The following HSDL1 variants were observed in gnomAD, a reference collection of about 807,000 sequenced individuals.
HSDL1 encodes the protein hydroxysteroid dehydrogenase like 1, also known as inactive hydroxysteroid dehydrogenase-like protein 1.
In HSDL1, 29 loss-of-function variants were observed where a neutral mutation model predicts 31.5. The ratio of observed to expected loss-of-function variants is 0.92; its 90% confidence interval spans 0.69 to 1.26. HSDL1 has a LOEUF of 1.26. Among genes scored for constraint, HSDL1 ranks in the 50% most tolerant of loss-of-function variants. The pLI is 0.00. For missense variants in HSDL1, 503 were observed against 416.6 expected (o/e 1.21, Z -1.81); for synonymous variants, 222 against 155.2 (o/e 1.43, Z -3.20).
At chr16:84,142,641 T>A (rs1214486700) in intron 1 of HSDL1, among the ~76,000 whole-genome samples, 1 of 151,934 alleles carries the variant, frequency 6.6e-6, no homozygotes, top group East Asian at 1.9e-4. Context: ...GACGGGGGTT[T>A]CACCATATTG....
chr16:84,142,430 CTTTTTTTTTTTTTT>C (rs34954052), intron 1 of HSDL1, among the ~76,000 whole-genome samples: 1 of 81,410 alleles, frequency 1.2e-5, no homozygotes, highest in Non-Finnish European at 2.1e-5. Context: ...TCTCACACAT[CTTTTTTTTTTTTTT>C]TTTTTTTTTG....
Position 84,129,976 on chromosome 16 carries a change from A to C in HSDL1, c.666+10T>G, listed in dbSNP as rs749990920. 2 of 1,607,440 alleles carry C rather than the reference A, an allele frequency of 1.2e-6. No homozygotes were observed. The highest frequency in any genetic ancestry group is 1.7e-6 in the Non-Finnish European group (2 of 1,175,858). On this transcript the variant is annotated intron_variant, in intron 4 of 5. Coordinates refer to ENST00000219439, the MANE Select transcript of HSDL1 (RefSeq NM_031463.5). The stretch of plus-strand genomic sequence containing the variant: ...ATTAGGATTTCATCTTCCAGTAAGT[A>C]ACATCTGACCTTAGAAGCAGAAAAT...
chr16:84,127,072 C>T (rs765126126), intron 5 of HSDL1, among the ~76,000 whole-genome samples: 9 of 152,086 alleles, frequency 5.9e-5, no homozygotes, highest in Non-Finnish European at 1.2e-4. Flanking sequence ...ATCTACTGCA[C>T]CTAAACCTGA....
chr16:84,138,136 A>G (rs915610434), intron 1 of HSDL1, among the ~76,000 whole-genome samples: 6 of 152,236 alleles, frequency 3.9e-5, no homozygotes, highest in African/African-American at 1.4e-4. Context: ...CACCCAGTTC[A>G]TGGTATTTTG....
chr16:84,125,963 C>A (rs2086602533), intron 5 of HSDL1, among the ~76,000 whole-genome samples: 1 of 152,024 alleles, frequency 6.6e-6, no homozygotes, highest in Non-Finnish European at 1.5e-5. Flanking sequence ...ATTAGCCAGG[C>A]GTGGTGGCGG....
chr16:84,126,164 C>G (rs1286245427), intron 5 of HSDL1, among the ~76,000 whole-genome samples: 2 of 151,034 alleles, frequency 1.3e-5, no homozygotes, highest in Non-Finnish European at 2.9e-5. Flanking sequence ...AACAGACAGA[C>G]GCATACGTGG....
At chr16:84,137,568 C>T (rs1382182458) in intron 1 of HSDL1, among the ~76,000 whole-genome samples, 2 of 152,194 alleles carry the variant, frequency 1.3e-5, no homozygotes, top group African/African-American at 4.8e-5. Flanking sequence ...GAGGGCCACA[C>T]GGAGAGCCAA....
rs1471922143 is a variant in HSDL1, at chr16:84,123,309, C to G, written c.*1321G>C. The G allele has an allele frequency of 6.6e-6, 1 of 152,188 alleles. No homozygotes were observed. The highest frequency in any genetic ancestry group is 2.4e-5 in the African/African-American group (1 of 41,434). 9.4% of individuals were successfully genotyped at this position (152,188 alleles called of 1,614,324 possible). ...ATGCCACAGAAGTCCAGACTTTTAACCAATCTACTAGCTTCTGCATCAGTA... is the reference window on the plus strand; with the variant it reads ...ATGCCACAGAAGTCCAGACTTTTAAGCAATCTACTAGCTTCTGCATCAGTA... On this transcript the variant is annotated 3_prime_UTR_variant, in exon 6 of 6. Coordinates refer to ENST00000219439, the MANE Select transcript of HSDL1 (RefSeq NM_031463.5).
intron 5 of HSDL1, chr16:84,125,054 C>A (rs1445112674): frequency 9.9e-6 from 2 of 201,886 alleles, no homozygotes; most frequent in South Asian, 7.9e-5. Context: ...ACAACAAATA[C>A]CCACCAAGCA....
chr16:84,140,681 T>A (rs1166053522), intron 1 of HSDL1, among the ~76,000 whole-genome samples: 1 of 152,242 alleles, frequency 6.6e-6, no homozygotes. Context: ...GGAAGTCCTG[T>A]ATGCTGTTCC....
intron 1 of HSDL1, among the ~76,000 whole-genome samples, chr16:84,137,569 G>A (rs1034475086): frequency 1.1e-4 from 17 of 152,306 alleles, no homozygotes; most frequent in East Asian, 1.9e-4. Context: ...AGGGCCACAC[G>A]GAGAGCCAAG....
chr16:84,126,297 G>C (rs2086606231), intron 5 of HSDL1, among the ~76,000 whole-genome samples: 1 of 152,066 alleles, frequency 6.6e-6, no homozygotes, highest in South Asian at 2.1e-4. Flanking sequence ...GTGCTCAGGG[G>C]ACCAGGGAAG....
rs940221773 is a variant in HSDL1 at position 84,124,574 on chromosome 16, G to T, written c.*56C>A. 9.8e-7 allele frequency: 1 copy of T among 1,019,116 alleles called. No individual in the cohort carries two copies. The highest frequency in any genetic ancestry group is 1.6e-6 in the Non-Finnish European group (1 of 640,810). The allele number at this position is 1,019,116 out of a possible 1,614,324, so 63.1% of individuals were successfully genotyped here. ...ATAAATTAAATGTGTTTTTCCAAAT[G>T]TCAGAATATCGAGGTTCCCAGGAGT... On this transcript the variant is annotated 3_prime_UTR_variant, in exon 6 of 6. Coordinates refer to ENST00000219439, the MANE Select transcript of HSDL1 (RefSeq NM_031463.5).
At chr16:84,126,539 C>G (rs746776614) in intron 5 of HSDL1, among the ~76,000 whole-genome samples, 7 of 152,154 alleles carry the variant, frequency 4.6e-5, no homozygotes, top group Non-Finnish European at 1.0e-4. Flanking sequence ...GTGGAGAAAG[C>G]CTACACTCCT....
chr16:84,144,155 T>C (rs2086808778), intron 1 of HSDL1: 1 of 151,854 alleles, frequency 6.6e-6, no homozygotes, highest in Admixed American at 6.6e-5. Flanking sequence ...CTAAGTGCTT[T>C]ATTCCTATTG....
chr16:84,141,047 C>T (rs569757242), intron 1 of HSDL1, among the ~76,000 whole-genome samples: 444 of 149,672 alleles, frequency 3.0e-3, no homozygotes, highest in African/African-American at 0.011. Flanking sequence ...GCGGAGATCG[C>T]GCCACAGCAC....
intron 1 of HSDL1, among the ~76,000 whole-genome samples, chr16:84,141,642 C>G (rs1423143505): frequency 1.3e-5 from 2 of 152,246 alleles, no homozygotes; most frequent in Non-Finnish European, 1.5e-5. Context: ...CGTGCCACTC[C>G]TCAATGTCAC....
intron 1 of HSDL1, among the ~76,000 whole-genome samples, chr16:84,137,214 T>C (rs2086720960): frequency 6.6e-6 from 1 of 152,158 alleles, no homozygotes; most frequent in Non-Finnish European, 1.5e-5. Context: ...TCTTGAAGTG[T>C]GAGCAGAATT....
rs76227048 is a variant in HSDL1, at chr16:84,130,288, T to C, written c.364A>G (p.Ile122Val). Residue 122 changes from isoleucine to valine, a missense_variant, in exon 4 of 6, where the codon ATA becomes GTA. Physicochemically the swap from Ile to Val is conservative, Grantham distance 29. Transcript: ENST00000219439. ...ADTYKVETDI[I>V]VADFSSGREI... ...CGACCGCTGCTGAAGTCCGCAACTA[T>C]AATATCAGTTTCCACTTTGTACGTG... 4.4e-5 allele frequency: 71 copies of C among 1,614,228 alleles called. No homozygotes were observed. The East Asian group carries it at 1.6e-3, about 35-fold the overall frequency.
Sources: gnomAD v4.1 joint callset for allele counts (sites outside exome capture counted in the v4.1 genomes callset) on GRCh38, gnomAD v4.1.1 for gene constraint, MANE v1.5 for transcripts, NCBI Gene and HGNC (gene_info 2026-07-23, HGNC 2026-07-21) for gene names.